EPHA6: variants seen among roughly 807,000 people sequenced by gnomAD.
EPHA6 encodes EPH receptor A6.
A neutral mutation model predicts 112.0 loss-of-function variants in EPHA6; 50 were observed. The observed-to-expected ratio is 0.45, with a 90% CI of 0.36 to 0.56. The LOEUF (loss-of-function observed/expected upper bound fraction) is 0.56, where lower values mean the gene tolerates loss of function less well. Ranked by LOEUF, EPHA6 falls within the 20% of genes least tolerant of loss-of-function variation. The pLI, the probability that EPHA6 is intolerant of heterozygous loss-of-function variation, is 0.00. For missense variants in EPHA6, 1,280 were observed against 1,417.4 expected (o/e 0.90, Z 1.56); for synonymous variants, 529 against 490.7 (o/e 1.08, Z -1.03).
At chr3:97,371,565 T>A (rs553343415) in intron 5 of EPHA6, among the ~76,000 whole-genome samples, 30 of 152,226 alleles carry the variant, frequency 2.0e-4, no homozygotes, top group African/African-American at 7.0e-4. Flanking sequence ...CTCAGGACGC[T>A]GTGATGATTG....
At chr3:97,745,796 CCTGGTGACTTTAGGGTGA>C (rs2035687762) in intron 16 of EPHA6, among the ~76,000 whole-genome samples, 1 of 151,704 alleles carries the variant, frequency 6.6e-6, no homozygotes, top group South Asian at 2.1e-4. Flanking sequence ...AGACTCGGGT[CCTGGTGACTTTAGGGTGA>C]CTTAAAGGAT....
intron 2 of EPHA6, among the ~76,000 whole-genome samples, chr3:96,947,728 A>C (rs1302489450): frequency 6.6e-6 from 1 of 152,194 alleles, no homozygotes; most frequent in Non-Finnish European, 1.5e-5. Flanking sequence ...ACTACAAACC[A>C]CTGCTCAATG....
rs183564902 is a variant in EPHA6, at chr3:97,047,452, A to G, written c.1114+59459A>G. Among the ~76,000 whole-genome samples the G allele has an allele frequency of 5.4e-3, 792 of 147,340 alleles. 7 individuals are homozygous for G. The highest frequency in any genetic ancestry group is 0.02 in the African/African-American group (771 of 39,376). ...GAGGTGGAGCTTGCAGTGAGCAGAGATCGCACCACTGCACTCCAGCCTGGG... is the reference window on the plus strand; with the variant it reads ...GAGGTGGAGCTTGCAGTGAGCAGAGGTCGCACCACTGCACTCCAGCCTGGG... On this transcript the variant is annotated intron_variant, in intron 3 of 17. Coordinates refer to ENST00000389672, the MANE Select transcript of EPHA6 (RefSeq NM_001080448.3).
rs374482580 is a variant in EPHA6, at chr3:97,127,693, C to T, written c.1115-98571C>T. On this transcript the variant is annotated intron_variant, in intron 3 of 17. Coordinates refer to ENST00000389672, the MANE Select transcript of EPHA6 (RefSeq NM_001080448.3). ...TTGCGCCACTGCACTGCAGCCTGGG[C>T]GACAGAGCCAGACCCTGTCTCAAAA... 3.4e-3 allele frequency among the ~76,000 whole-genome samples: 504 copies of T among 147,648 alleles called. 1 individual carries two copies. The highest frequency in any genetic ancestry group is 0.012 in the African/African-American group (465 of 39,776).
At position 96,987,328 on chromosome 3, in the gene EPHA6, A is replaced by G. The variant is rs1279159014; in HGVS notation, c.451-2A>G. 6.4e-7 allele frequency: 1 copy of G among 1,574,576 alleles called. No individual in the cohort carries two copies. Among genetic ancestry groups the G allele is most frequent in the Non-Finnish European group, 8.6e-7 (1 of 1,156,390 alleles). ...CTTAATTACTTTTTTCCCTTTTTGC[A>G]GTGGGATGCCATCACTGAAATGGAT... On this transcript the variant is annotated splice_acceptor_variant, in intron 2 of 17. Coordinates refer to ENST00000389672, the MANE Select transcript of EPHA6 (RefSeq NM_001080448.3). LOFTEE classifies it high-confidence loss of function.
At chr3:97,144,255 G>C (rs890261317) in intron 3 of EPHA6, among the ~76,000 whole-genome samples, 1 of 151,592 alleles carries the variant, frequency 6.6e-6, no homozygotes, top group African/African-American at 2.4e-5. Flanking sequence ...TCATCAAAAA[G>C]AAGTTTGAGT....
intron 5 of EPHA6, among the ~76,000 whole-genome samples, chr3:97,394,340 C>G (rs1252925537): frequency 6.6e-6 from 1 of 151,706 alleles, no homozygotes; most frequent in Non-Finnish European, 1.5e-5. Context: ...ATGGAGAAAA[C>G]ACTTCAAGAC....
intron 10 of EPHA6, among the ~76,000 whole-genome samples, chr3:97,510,526 C>G (rs1369043959): frequency 2.6e-5 from 4 of 152,204 alleles, no homozygotes; most frequent in Admixed American, 6.5e-5. Context: ...GGCTGCAGAA[C>G]AGCAAATATT....
intron 10 of EPHA6, among the ~76,000 whole-genome samples, chr3:97,519,256 T>G (rs528985091): frequency 6.6e-5 from 10 of 152,308 alleles, no homozygotes; most frequent in African/African-American, 2.4e-4. Context: ...AGAGGATATC[T>G]TTTCCCCAAT....
At chr3:97,498,604 T>G (rs748287830) in intron 10 of EPHA6, among the ~76,000 whole-genome samples, 1 of 151,844 alleles carries the variant, frequency 6.6e-6, no homozygotes, top group Non-Finnish European at 1.5e-5. Context: ...CACTTGTTGG[T>G]TGATGGAACA....
chr3:97,736,460 AGAGAGAGAGAGT>A (rs1365333017), intron 16 of EPHA6, among the ~76,000 whole-genome samples: 2 of 145,562 alleles, frequency 1.4e-5, no homozygotes, highest in Non-Finnish European at 3.0e-5. Flanking sequence ...AGAGAGAGAG[AGAGAGAGAGAGT>A]GTGTGTGTGT....
At chr3:97,621,353 A>C (rs991242988) in intron 13 of EPHA6, among the ~76,000 whole-genome samples, 2 of 151,948 alleles carry the variant, frequency 1.3e-5, no homozygotes. Context: ...TAATCTGTAC[A>C]ACAAGCCCCC....
At chr3:97,155,077 G>T (rs562382985) in intron 3 of EPHA6, among the ~76,000 whole-genome samples, 2 of 151,910 alleles carry the variant, frequency 1.3e-5, no homozygotes, top group African/African-American at 4.8e-5. Flanking sequence ...TTTTGCAATA[G>T]CTAAGAGATA....
chr3:96,846,462 C>G (rs536430311), intron 1 of EPHA6, among the ~76,000 whole-genome samples: 8 of 151,932 alleles, frequency 5.3e-5, no homozygotes, highest in Non-Finnish European at 1.2e-4. Flanking sequence ...AGAAGGTAAT[C>G]TTTATGTTAC....
intron 3 of EPHA6, among the ~76,000 whole-genome samples, chr3:97,039,760 C>T (rs2045249858): frequency 6.6e-6 from 1 of 151,956 alleles, no homozygotes; most frequent in African/African-American, 2.4e-5. Context: ...CACAAGTTTA[C>T]AGCTTTTAAT....
intron 2 of EPHA6, among the ~76,000 whole-genome samples, chr3:96,983,235 T>C (rs2107828474): frequency 6.6e-6 from 1 of 152,298 alleles, no homozygotes; most frequent in East Asian, 1.9e-4. Flanking sequence ...GGAGCTCTTG[T>C]AGGGCAGGCC....
chr3:97,027,952 G>A (rs1576349144), intron 3 of EPHA6, among the ~76,000 whole-genome samples: 2 of 152,252 alleles, frequency 1.3e-5, no homozygotes, highest in South Asian at 2.1e-4. Context: ...GGTCCCCAAG[G>A]TGGAATTGCG....
At chr3:97,047,467 T>C (rs1212594515) in intron 3 of EPHA6, among the ~76,000 whole-genome samples, 1 of 125,048 alleles carries the variant, frequency 8.0e-6, no homozygotes, top group Non-Finnish European at 1.6e-5. Context: ...ACCACTGCAC[T>C]CCAGCCTGGG....
At chr3:97,508,009 A>G (rs181074404) in intron 10 of EPHA6, among the ~76,000 whole-genome samples, 6 of 151,964 alleles carry the variant, frequency 3.9e-5, no homozygotes, top group Admixed American at 3.9e-4. Flanking sequence ...GGTGATATCT[A>G]CTTTATCATT....
Sources: gnomAD v4.1 joint callset for allele counts (sites outside exome capture counted in the v4.1 genomes callset) on GRCh38, gnomAD v4.1.1 for gene constraint, MANE v1.5 for transcripts, NCBI Gene and HGNC (gene_info 2026-07-23, HGNC 2026-07-21) for gene names.